The following PRKDC variants were observed in gnomAD, a reference collection of about 807,000 sequenced individuals.
The protein encoded by PRKDC is protein kinase, DNA-activated, catalytic subunit.
Under a neutral mutation model 486.9 loss-of-function variants are expected in PRKDC, and 82 were observed. The ratio of observed to expected loss-of-function variants is 0.17; its 90% CI spans 0.14 to 0.20. PRKDC has a LOEUF of 0.20. PRKDC is among the 10% of genes least tolerant of loss of function. The pLI is 1.00. For missense variants in PRKDC, 4,504 were observed against 5,038.2 expected (o/e 0.89, Z 3.21); for synonymous variants, 1,895 against 1,837.0 (o/e 1.03, Z -0.81).
At chr8:47,953,089 T>C (rs983242636) in intron 7 of PRKDC, among the ~76,000 whole-genome samples, 1 of 151,902 alleles carries the variant, frequency 6.6e-6, no homozygotes, top group Non-Finnish European at 1.5e-5. Context: ...TGCAGTGACC[T>C]GAGATCGAGC....
Position 47,807,173 on chromosome 8 carries a change from G to T in PRKDC, c.9711C>A (p.Ser3237=). ...CACTGTCTATCATCTTCATTTTCAT[G>T]GAAAACTTGCAACTCCTGATCAGGG... ...ISSLIRSCKF[S]MKMKMIDSAR... Residue 3237 remains serine, a synonymous_variant, in exon 69 of 86, where the codon TCC becomes TCA. Transcript: ENST00000314191. 1 of 1,613,818 alleles carries T rather than the reference G, an allele frequency of 6.2e-7. No individual in the cohort carries two copies. The highest frequency in any genetic ancestry group is 8.5e-7 in the Non-Finnish European group (1 of 1,179,832).
In PRKDC at chr8:47,837,290, A is replaced by C. The variant is rs1440518804; in HGVS notation, c.7683T>G (p.Phe2561Leu). 1 of 1,613,832 alleles carries C rather than the reference A, an allele frequency of 6.2e-7. No homozygotes were observed. Among genetic ancestry groups the C allele is most frequent in the Non-Finnish European group, 8.5e-7 (1 of 1,179,850 alleles). Reference protein sequence around the residue: ...EVHFLSLATNFLLEMTSMSPD... With the variant: ...EVHFLSLATNLLLEMTSMSPD... The stretch of plus-strand genomic sequence containing the variant: ...GGCTCATGCTGGTCATTTCGAGCAG[A>C]AAATTTGTTGCTAAACTTAAAAAGT... Residue 2561 changes from phenylalanine (F) to leucine (L), a missense_variant, in exon 57 of 86, where the codon TTT (phenylalanine) becomes TTG (leucine). By Grantham distance (22) the Phe-to-Leu change is conservative. Transcript: ENST00000314191.
At position 47,830,709 on chromosome 8, in the gene PRKDC, G is replaced by C; in HGVS notation, c.8293C>G (p.Gln2765Glu). Reference sequence around the variant, plus strand: ...CTGTACAGAACGACCTGGGCATCCTGCTTCATTTTTAACTCACTCTTGATT... The same window carrying C: ...CTGTACAGAACGACCTGGGCATCCTCCTTCATTTTTAACTCACTCTTGATT... ...KEIKSELKMK[Q>E]DAQVVLYRSY... The change falls in exon 61 of 86, where the codon CAG becomes GAG. Residue 2765 changes from glutamine to glutamate, a missense_variant. By Grantham distance (29) the Gln-to-Glu change is conservative (BLOSUM62 2). This residue lies in a region of PRKDC where 1,592 missense variants were observed against 1,724.6 expected (regional missense o/e 0.92). Coordinates refer to ENST00000314191, the MANE Select transcript of PRKDC (RefSeq NM_006904.7). 1.2e-6 allele frequency: 2 copies of C among 1,613,954 alleles called. No individual in the cohort carries two copies. The highest frequency in any genetic ancestry group is 1.7e-6 in the Non-Finnish European group (2 of 1,179,872).
intron 49 of PRKDC, among the ~76,000 whole-genome samples, chr8:47,855,850 G>A (rs990516880): frequency 3.3e-5 from 5 of 152,204 alleles, no homozygotes; most frequent in Non-Finnish European, 7.3e-5. Context: ...TGGCTGCTGA[G>A]CAGTGCACCA....
At chr8:47,860,615 C>T (rs1041678364) in intron 45 of PRKDC, among the ~76,000 whole-genome samples, 1 of 152,186 alleles carries the variant, frequency 6.6e-6, no homozygotes, top group Non-Finnish European at 1.5e-5. Flanking sequence ...AATAAGACAC[C>T]AAGCTAATTT....
chr8:47,945,418 C>A (rs939380630), intron 7 of PRKDC, among the ~76,000 whole-genome samples: 13 of 152,320 alleles, frequency 8.5e-5, no homozygotes, highest in African/African-American at 3.1e-4. Flanking sequence ...CATTTCCCCT[C>A]CCCCAGCCCC....
chr8:47,885,763 G>A (rs531323805), intron 36 of PRKDC, among the ~76,000 whole-genome samples, 181 bp downstream of exon 36: 3 of 151,926 alleles, frequency 2.0e-5, no homozygotes, highest in Non-Finnish European at 4.4e-5. Flanking sequence ...GTGGTGGCGG[G>A]TGCCTGTAAT....
chr8:47,937,536 T>C (rs901642497), intron 11 of PRKDC, among the ~76,000 whole-genome samples: 14 of 152,174 alleles, frequency 9.2e-5, no homozygotes, highest in African/African-American at 3.4e-4. Flanking sequence ...GACTCACAAA[T>C]GCGCTAATGT....
intron 25 of PRKDC, among the ~76,000 whole-genome samples, chr8:47,910,494 G>C (rs2089879382): frequency 6.6e-6 from 1 of 152,090 alleles, no homozygotes; most frequent in Non-Finnish European, 1.5e-5. Flanking sequence ...CCATTTCCCA[G>C]CACCTAGCTC....
Position 47,774,126 on chromosome 8 carries a change from A to G in PRKDC, c.*47T>C, listed in dbSNP as rs2086564344. 7 of 1,511,226 alleles carry G rather than the reference A, an allele frequency of 4.6e-6. No individual in the cohort carries two copies. In the Admixed American group the frequency reaches 1.3e-4, roughly 28 times the overall value. 93.6% of individuals were successfully genotyped at this position (1,511,226 alleles called of 1,614,324 possible). A position where few individuals can be genotyped will look rare whatever the true frequency, so the allele number is the denominator to read the frequency against. On this transcript the variant is annotated 3_prime_UTR_variant, in exon 86 of 86. Coordinates refer to ENST00000314191, the MANE Select transcript of PRKDC (RefSeq NM_006904.7). ...AATGCTGCCAACCAAAGTATAGTAG[A>G]TTCTTTAAACAATGTAATGCTTTCT... is the stretch of plus-strand genomic sequence containing the variant.
At chr8:47,951,708 T>C (rs2090627534) in intron 7 of PRKDC, among the ~76,000 whole-genome samples, 1 of 137,120 alleles carries the variant, frequency 7.3e-6, no homozygotes, top group Admixed American at 7.7e-5. Context: ...AGCAAGACCC[T>C]GTCTCCAAAA....
At chr8:47,831,951 TA>T (rs762097436) in intron 59 of PRKDC, 25 bp from the exon 60 acceptor site, 65 of 1,593,260 alleles carry the variant, frequency 4.1e-5, no homozygotes, top group Admixed American at 1.2e-4. Context: ...CAGGCCCAGT[TA>T]CTCCCCGCCG....
chr8:47,836,608 T>C (rs2088030805), intron 57 of PRKDC, 81 bp from the exon 58 acceptor site: 1 of 1,239,504 alleles, frequency 8.1e-7, no homozygotes, highest in Non-Finnish European at 1.1e-6. Context: ...TATATTTCTA[T>C]TTAAAATCTA....
intron 70 of PRKDC, among the ~76,000 whole-genome samples, chr8:47,801,392 G>T (rs2087105837): frequency 6.6e-6 from 1 of 152,108 alleles, no homozygotes; most frequent in African/African-American, 2.4e-5. Context: ...TTTCTATTAA[G>T]AAATTAATAA....
chr8:47,858,491 A>C (rs769535848), intron 48 of PRKDC, 25 bp downstream of exon 48: 1 of 1,439,342 alleles, frequency 6.9e-7, no homozygotes, highest in Non-Finnish European at 9.4e-7. Flanking sequence ...CTATTCAAAG[A>C]ATAAAGAAAT....
At chr8:47,832,571 C>T (rs144302160) in intron 59 of PRKDC, among the ~76,000 whole-genome samples, 26 of 152,094 alleles carry the variant, frequency 1.7e-4, no homozygotes, top group African/African-American at 5.3e-4. Context: ...GAAACTGAAA[C>T]GTGTCATAAC....
chr8:47,783,544 C>G (rs72646396), intron 78 of PRKDC, among the ~76,000 whole-genome samples, 198 bp downstream of exon 78: 3 of 151,458 alleles, frequency 2.0e-5, no homozygotes, highest in Admixed American at 6.6e-5. Flanking sequence ...GAGCCGAGAC[C>G]GTCCCATTGC....
rs536327098 is a variant in PRKDC, at chr8:47,957,177, T to A, written c.318A>T (p.Glu106Asp). Residue 106 changes from glutamate to aspartate, a missense_variant, in exon 3 of 86, where the codon GAA becomes GAT. This residue lies in a region of PRKDC where 145 missense variants were observed against 136.3 expected (regional missense o/e 1.06). Transcript: ENST00000314191. Reference sequence around the variant, plus strand: ...TATGTTTTTTAATTCTTACCTTAATTTCAACAGAGTAAGGTGCGATCTTCT... The same window carrying A: ...TATGTTTTTTAATTCTTACCTTAATATCAACAGAGTAAGGTGCGATCTTCT... ...MGQKIAPYSVEIKNTCTSVYT... is the reference protein window; with the variant it reads ...MGQKIAPYSVDIKNTCTSVYT... 1 of 1,566,664 alleles carries A rather than the reference T, an allele frequency of 6.4e-7. No homozygotes were observed. The highest frequency in any genetic ancestry group is 8.8e-7 in the Non-Finnish European group (1 of 1,141,502).
intron 67 of PRKDC, 141 bp from the exon 68 acceptor site, chr8:47,817,702 G>C (rs1308435594): frequency 5.4e-6 from 3 of 558,858 alleles, no homozygotes; most frequent in African/African-American, 3.7e-5. Context: ...GGAACACAAA[G>C]TTACCATACT....
Sources: allele counts gnomAD v4.1 joint callset (sites outside exome capture counted in the v4.1 genomes callset), GRCh38; gene constraint gnomAD v4.1.1; regional missense constraint gnomAD v4.1.1; transcripts MANE v1.5; gene names NCBI Gene and HGNC (gene_info 2026-07-23, HGNC 2026-07-21).